The following ANO3 variants were observed in gnomAD, a reference collection of about 807,000 sequenced individuals.
ANO3 encodes the protein anoctamin 3.
Under a neutral mutation model 144.8 loss-of-function variants are expected in ANO3, and 99 were observed. The observed-to-expected ratio is 0.68, with a 90% CI of 0.58 to 0.81. The LOEUF is 0.81. ANO3 is among the 30% of genes least tolerant of loss of function. ANO3 has a pLI of 0.00. For missense variants in ANO3, 905 were observed against 1,202.2 expected, an observed-to-expected ratio of 0.75 and a Z score of 3.66; for synonymous variants, 414 against 392.6, an observed-to-expected ratio of 1.05 and a Z score of -0.64.
chr11:26,554,259 C>A (rs1434810718), intron 13 of ANO3, among the ~76,000 whole-genome samples: 2 of 152,058 alleles, frequency 1.3e-5, no homozygotes. Flanking sequence ...TAGCATTTAT[C>A]AATAGATCAT....
intron 17 of ANO3, among the ~76,000 whole-genome samples, chr11:26,623,440 C>T (rs1396493453): frequency 6.6e-6 from 1 of 152,180 alleles, no homozygotes; most frequent in Non-Finnish European, 1.5e-5. Flanking sequence ...ATAGCGAATA[C>T]TTTCCCAACT....
chr11:26,495,471 A>G (rs1179449245), intron 4 of ANO3, among the ~76,000 whole-genome samples: 2 of 152,098 alleles, frequency 1.3e-5, no homozygotes, highest in African/African-American at 4.8e-5. Context: ...TCATGGAAAA[A>G]TAGGCATGAA....
chr11:26,583,882 T>C (rs1851202505), intron 14 of ANO3, among the ~76,000 whole-genome samples: 1 of 152,184 alleles, frequency 6.6e-6, no homozygotes, highest in African/African-American at 2.4e-5. Context: ...GGCCTTCTTT[T>C]GAGAAGGCTT....
intron 1 of ANO3, among the ~76,000 whole-genome samples, chr11:26,383,222 G>T (rs1856634595): frequency 6.6e-6 from 1 of 152,078 alleles, no homozygotes. Flanking sequence ...ATAAAAATTA[G>T]CAGATTAAAC....
At chr11:26,317,730 C>T (rs1854659712) in intron 1 of ANO3, among the ~76,000 whole-genome samples, 1 of 152,062 alleles carries the variant, frequency 6.6e-6, no homozygotes, top group South Asian at 2.1e-4. Flanking sequence ...ACCAGAAATA[C>T]CATTTGACCC....
At chr11:26,410,897 G>T (rs1206469787) in intron 1 of ANO3, among the ~76,000 whole-genome samples, 1 of 151,990 alleles carries the variant, frequency 6.6e-6, no homozygotes, top group East Asian at 1.9e-4. Context: ...AGGATAGGCT[G>T]CCTGTGCGCT....
chr11:26,482,184 C>A (rs941995937), intron 4 of ANO3, among the ~76,000 whole-genome samples: 1 of 151,944 alleles, frequency 6.6e-6, no homozygotes, highest in African/African-American at 2.4e-5. Flanking sequence ...AGGTGTGAGC[C>A]ACTCCTCCCA....
intron 23 of ANO3, among the ~76,000 whole-genome samples, chr11:26,647,335 C>A (rs1256049069): frequency 6.6e-6 from 1 of 152,148 alleles, no homozygotes; most frequent in African/African-American, 2.4e-5. Context: ...GCAGATATTT[C>A]ACAGTGTGCA....
intron 3 of ANO3, among the ~76,000 whole-genome samples, chr11:26,462,448 T>C (rs896704784): frequency 3.3e-5 from 5 of 151,934 alleles, no homozygotes; most frequent in African/African-American, 4.8e-5. Context: ...ACTGATATTA[T>C]AGCATTTTAG....
intron 4 of ANO3, among the ~76,000 whole-genome samples, chr11:26,472,777 C>A (rs1859828618): frequency 6.6e-6 from 1 of 151,954 alleles, no homozygotes; most frequent in East Asian, 1.9e-4. Context: ...CTTCATCTCC[C>A]CATGTCATCT....
intron 2 of ANO3, among the ~76,000 whole-genome samples, chr11:26,442,432 A>T (rs1858553295): frequency 6.6e-6 from 1 of 152,244 alleles, no homozygotes; most frequent in Non-Finnish European, 1.5e-5. Flanking sequence ...GAGAACTTAT[A>T]ACCAGTATTC....
At chr11:26,499,285 T>C (rs1188966031) in intron 4 of ANO3, among the ~76,000 whole-genome samples, 3 of 151,896 alleles carry the variant, frequency 2.0e-5, no homozygotes, top group Non-Finnish European at 4.4e-5. Context: ...TACAAAGCTT[T>C]TATTTGAATG....
intron 14 of ANO3, chr11:26,560,580 T>C (rs1035493947): frequency 6.5e-6 from 1 of 153,564 alleles, no homozygotes; most frequent in Admixed American, 6.6e-5. Flanking sequence ...ACAGAAACTC[T>C]GGGCTATGTC....
intron 1 of ANO3, among the ~76,000 whole-genome samples, chr11:26,407,074 G>GTATATATATATATA (rs1366416693): frequency 2.5e-4 from 25 of 101,630 alleles, no homozygotes; most frequent in African/African-American, 5.3e-4. Context: ...GTGTGTGTGT[G>GTATATATATATATA]TGTATATATA....
intron 1 of ANO3, among the ~76,000 whole-genome samples, chr11:26,194,263 C>T (rs1851534313): frequency 6.6e-6 from 1 of 151,944 alleles, no homozygotes; most frequent in Non-Finnish European, 1.5e-5. Context: ...CACAGTTATC[C>T]CCAGGAATAT....
chr11:26,426,513 A>G (rs780241431), intron 1 of ANO3, among the ~76,000 whole-genome samples: 1 of 152,226 alleles, frequency 6.6e-6, no homozygotes, highest in Admixed American at 6.5e-5. Context: ...ACATATATGA[A>G]TGCTCATAAG....
At chr11:26,642,342 C>CT (rs576729432) in intron 22 of ANO3, among the ~76,000 whole-genome samples, 1,039 of 93,002 alleles carry the variant, frequency 0.011, 13 homozygotes, top group African/African-American at 0.025. Context: ...TTCTTTCTTT[C>CT]TTTTTTTTTT....
chr11:26,341,110 C>G (rs1855347002), intron 1 of ANO3, among the ~76,000 whole-genome samples: 1 of 151,624 alleles, frequency 6.6e-6, no homozygotes, highest in Non-Finnish European at 1.5e-5. Context: ...TTCCCCTTTC[C>G]TTCCTCTCTC....
chr11:26,646,753 G>A (rs1853357768), intron 23 of ANO3, among the ~76,000 whole-genome samples: 1 of 152,000 alleles, frequency 6.6e-6, no homozygotes, highest in Non-Finnish European at 1.5e-5. Flanking sequence ...TACTAGGCAT[G>A]TTAACCCTTT....
Sources: gnomAD v4.1 joint callset for allele counts (sites outside exome capture counted in the v4.1 genomes callset) on GRCh38, gnomAD v4.1.1 for gene constraint, MANE v1.5 for transcripts, NCBI Gene and HGNC (gene_info 2026-07-23, HGNC 2026-07-21) for gene names.